SYNPO2: variants seen among roughly 807,000 people sequenced by gnomAD.
SYNPO2 encodes synaptopodin-2.
In SYNPO2, 56 loss-of-function variants were observed where a neutral mutation model predicts 85.0. The ratio of observed to expected loss-of-function variants is 0.66; its 90% CI spans 0.53 to 0.82. SYNPO2 has a LOEUF of 0.82. SYNPO2 is among the 40% of genes least tolerant of loss of function. The pLI is 0.00. For missense variants in SYNPO2, 1,575 were observed against 1,534.2 expected (o/e 1.03, Z -0.44); for synonymous variants, 602 against 591.1 (o/e 1.02, Z -0.27).
At chr4:119,052,858 G>A (rs1739096287) in intron 4 of SYNPO2, among the ~76,000 whole-genome samples, 1 of 152,196 alleles carries the variant, frequency 6.6e-6, no homozygotes. Context: ...TCCAGTGGCA[G>A]CAGAAAACTT....
At chr4:119,044,816 CA>C (rs1195745773) in intron 4 of SYNPO2, among the ~76,000 whole-genome samples, 1 of 152,176 alleles carries the variant, frequency 6.6e-6, no homozygotes, top group African/African-American at 2.4e-5. Flanking sequence ...GACAGAAAAG[CA>C]GTTACAAAGG....
chr4:119,048,799 C>T (rs1405957499), intron 4 of SYNPO2, among the ~76,000 whole-genome samples: 1 of 152,106 alleles, frequency 6.6e-6, no homozygotes, highest in Non-Finnish European at 1.5e-5. Context: ...AAGATGAAGT[C>T]AGATAATGCA....
At position 119,022,733 on chromosome 4, in the gene SYNPO2, T is replaced by TTATTTTATGTTTTATTTTATTTTATTTTA. The variant is rs1737783030; in HGVS notation, c.106-688_106-660dup. ...TATTTTATTTTATTTTAATTTTATT[T>TTATTTTATGTTTTATTTTATTTTATTTTA]TATTTTATGTTTTATTTTATTTTAT... is the stretch of plus-strand genomic sequence containing the variant. On this transcript the variant is annotated intron_variant, in intron 1 of 4. Transcript: ENST00000307142. Among the ~76,000 whole-genome samples, 3 of 147,212 alleles carry TTATTTTATGTTTTATTTTATTTTATTTTA rather than the reference T, an allele frequency of 2.0e-5. No homozygotes were observed. The East Asian group carries it at 5.9e-4, about 29-fold the overall frequency.
intron 1 of SYNPO2, among the ~76,000 whole-genome samples, chr4:118,875,116 T>C (rs1031384576): frequency 1.3e-5 from 2 of 152,224 alleles, no homozygotes; most frequent in African/African-American, 2.4e-5. Context: ...GTATTTGGTT[T>C]TCTGTTCCTG....
At chr4:118,985,639 T>C (rs1736189804) in intron 1 of SYNPO2, among the ~76,000 whole-genome samples, 2 of 152,236 alleles carry the variant, frequency 1.3e-5, no homozygotes, top group South Asian at 4.1e-4. Flanking sequence ...AGTGACACTG[T>C]GTCAATCAGC....
intron 1 of SYNPO2, among the ~76,000 whole-genome samples, chr4:118,915,143 AGAGCT>A (rs1733270926): frequency 6.6e-6 from 1 of 152,046 alleles, no homozygotes; most frequent in Non-Finnish European, 1.5e-5. Context: ...CAGGAATACG[AGAGCT>A]GAAAAATTAT....
chr4:118,979,934 C>T (rs1188767610), intron 1 of SYNPO2, among the ~76,000 whole-genome samples: 3 of 152,278 alleles, frequency 2.0e-5, no homozygotes, highest in Admixed American at 6.5e-5. Context: ...GTCTGTGCCT[C>T]GTGTTATTCT....
At chr4:118,986,854 A>C (rs1411491640) in intron 1 of SYNPO2, among the ~76,000 whole-genome samples, 2 of 152,216 alleles carry the variant, frequency 1.3e-5, no homozygotes, top group East Asian at 3.9e-4. Flanking sequence ...ACCAGGAAAT[A>C]GACTGTTATT....
intron 1 of SYNPO2, among the ~76,000 whole-genome samples, chr4:118,965,096 A>C (rs1381203943): frequency 6.6e-6 from 1 of 152,124 alleles, no homozygotes; most frequent in African/African-American, 2.4e-5. Flanking sequence ...CATAAACTCA[A>C]GCTTGGGAAA....
intron 1 of SYNPO2, among the ~76,000 whole-genome samples, chr4:118,951,558 A>G (rs1734697599): frequency 6.6e-6 from 1 of 152,174 alleles, no homozygotes; most frequent in Admixed American, 6.5e-5. Context: ...AAGGGCAAAA[A>G]TCTGTAGTTT....
Position 118,860,552 on chromosome 4 carries a change from C to CTTT in SYNPO2, c.12+9619_12+9621dup, listed in dbSNP as rs34644748. On this transcript the variant is annotated intron_variant, in intron 1 of 4. Coordinates refer to the SYNPO2 transcript ENST00000610556. ...AGCCACACTGCCTGGCCTCTTTTGC[C>CTTT]TTTTTTTTTGTTTTTTTTTTTTGAG... 1.1e-4 allele frequency among the ~76,000 whole-genome samples: 12 copies of CTTT among 114,160 alleles called. 2 individuals carry two copies. Among genetic ancestry groups the CTTT allele is most frequent in the African/African-American group, 1.1e-4 (3 of 27,750 alleles). The allele number at this position is 114,160 out of a possible 152,430, so 74.9% of individuals were successfully genotyped here.
At chr4:119,006,679 G>A (rs1737042059) in intron 1 of SYNPO2, among the ~76,000 whole-genome samples, 1 of 152,156 alleles carries the variant, frequency 6.6e-6, no homozygotes, top group South Asian at 2.1e-4. Context: ...AATCCCCAAA[G>A]AAGCAGGCAG....
intron 1 of SYNPO2, among the ~76,000 whole-genome samples, chr4:118,855,422 T>C (rs931032516): frequency 2.0e-5 from 3 of 152,116 alleles, no homozygotes; most frequent in African/African-American, 4.8e-5. Flanking sequence ...TTAACTGAGA[T>C]ATTAGTATTT....
chr4:119,045,280 A>G (rs893364774), intron 4 of SYNPO2, among the ~76,000 whole-genome samples: 10 of 152,194 alleles, frequency 6.6e-5, no homozygotes, highest in Admixed American at 6.5e-4. Context: ...TGTGCCAGGT[A>G]CCAACATTTT....
chr4:118,952,237 T>C (rs1734726419), intron 1 of SYNPO2, among the ~76,000 whole-genome samples: 1 of 152,226 alleles, frequency 6.6e-6, no homozygotes, highest in African/African-American at 2.4e-5. Context: ...CAGCAATAGG[T>C]ATTTTCAATG....
At position 119,059,415 on chromosome 4, in the gene SYNPO2, A is replaced by C. The variant is rs1739333039; in HGVS notation, c.*1481A>C. 6.6e-6 allele frequency: 1 copy of C among 152,232 alleles called. No individual in the cohort carries two copies. The highest frequency in any genetic ancestry group is 2.4e-5 in the African/African-American group (1 of 41,460). The allele number at this position is 152,232 out of a possible 1,614,324, so 9.4% of individuals were successfully genotyped here. A position where few individuals can be genotyped will look rare whatever the true frequency, so the allele number is the denominator to read the frequency against. ...TCTGAGGAAGTTAAGCAGCTGCTTC[A>C]TCAATCCCATGACACATGCCTTGTT... On this transcript the variant is annotated 3_prime_UTR_variant, in exon 5 of 5. Coordinates refer to ENST00000307142, the MANE Select transcript of SYNPO2 (RefSeq NM_133477.3).
At chr4:119,012,377 T>TTTC (rs1553946405) in intron 1 of SYNPO2, among the ~76,000 whole-genome samples, 8 of 80,420 alleles carry the variant, frequency 9.9e-5, no homozygotes, top group South Asian at 3.4e-4. Context: ...CCCCTTTTCT[T>TTTC]TTTTTTTTTT....
chr4:119,029,820 A>ATTTT (rs58164872), intron 3 of SYNPO2, 25 bp from the exon 4 acceptor site: 20 of 1,412,124 alleles, frequency 1.4e-5, no homozygotes, highest in South Asian at 8.8e-5. Flanking sequence ...GCTCAATATA[A>ATTTT]TTTTTTTTTT....
intron 1 of SYNPO2, among the ~76,000 whole-genome samples, chr4:118,936,018 T>A (rs1578565204): frequency 6.6e-6 from 1 of 152,090 alleles, no homozygotes; most frequent in African/African-American, 2.4e-5. Flanking sequence ...GCACATGTGG[T>A]GTAACTATAA....
Sources: gnomAD v4.1 joint callset for allele counts (sites outside exome capture counted in the v4.1 genomes callset) on GRCh38, gnomAD v4.1.1 for gene constraint, MANE v1.5 for transcripts, NCBI Gene and HGNC (gene_info 2026-07-23, HGNC 2026-07-21) for gene names.